The following CLUH variants were observed in gnomAD, a reference collection of about 807,000 sequenced individuals.
The protein encoded by CLUH is CLUH binding protein of NUMT mRNA.
CLUH carries 77 observed loss-of-function variants against 139.3 expected under a neutral mutation model. The ratio of observed to expected loss-of-function variants is 0.55; its 90% CI spans 0.46 to 0.67. The LOEUF is 0.67. Among genes scored for constraint, CLUH ranks in the 30% least tolerant of loss-of-function variants. The probability of loss-of-function intolerance (pLI) is 0.00; values close to 1 mark genes in which losing one functional copy is unlikely to be tolerated. For missense variants in CLUH, 1,876 were observed against 1,875.8 expected, an observed-to-expected ratio of 1.00 and a Z score of 0.00; for synonymous variants, 999 against 801.6, an observed-to-expected ratio of 1.25 and a Z score of -4.16.
chr17:2,695,198 G>C lies in CLUH; in HGVS notation c.2607+20C>G, dbSNP rs749848948. On this transcript the variant is annotated intron_variant, in intron 15 of 25. Transcript: ENST00000651024. ...CCACCCTGGGAGGCCATGGCCAGCCGCAGAGCGGACGGGTGGCACCTGTAA... is the reference window on the plus strand; with the variant it reads ...CCACCCTGGGAGGCCATGGCCAGCCCCAGAGCGGACGGGTGGCACCTGTAA... 1 of 1,613,666 alleles carries C rather than the reference G, an allele frequency of 6.2e-7. No individual in the cohort carries two copies. Among genetic ancestry groups the C allele is most frequent in the Non-Finnish European group, 8.5e-7 (1 of 1,179,844 alleles).
In CLUH at chr17:2,698,180, C is replaced by T. The variant is rs1229218022; in HGVS notation, c.1677G>A (p.Leu559=). 5 of 1,575,058 alleles carry T rather than the reference C, an allele frequency of 3.2e-6. No individual in the cohort carries two copies. Among genetic ancestry groups the T allele is most frequent in the Admixed American group, 3.7e-5 (2 of 53,814 alleles). ...VVSHPRYLEL[L]ERTSRPLKIL... Reference sequence around the variant, plus strand: ...TCTTGAGGGGCCGACTCGTGCGCTCCAGCAGCTCCAGGTACCGCGGGTGTG... The same window carrying T: ...TCTTGAGGGGCCGACTCGTGCGCTCTAGCAGCTCCAGGTACCGCGGGTGTG... Residue 559 remains leucine, a synonymous_variant, in exon 10 of 26, where the codon CTG becomes CTA. Transcript: ENST00000651024.
At position 2,690,473 on chromosome 17, in the gene CLUH, G is replaced by T; in HGVS notation, c.*121C>A. On this transcript the variant is annotated 3_prime_UTR_variant, in exon 26 of 26. Coordinates refer to ENST00000651024, the MANE Select transcript of CLUH (RefSeq NM_001366661.1). ...TCCCAGGAGGACACGGGGGTGGGGT[G>T]GGGTGAGACGTGGAGGAAGAGGGCC... 2.3e-6 allele frequency: 2 copies of T among 866,194 alleles called. No individual in the cohort carries two copies. The highest frequency in any genetic ancestry group is 3.2e-6 in the Non-Finnish European group (2 of 619,036). The allele number at this position is 866,194 out of a possible 1,614,324, so 53.7% of individuals were successfully genotyped here. A position where few individuals can be genotyped will look rare whatever the true frequency, so the allele number is the denominator to read the frequency against.
rs572188920 is a variant in CLUH, at chr17:2,695,283, G to A, written c.2545-3C>T. 6.4e-5 allele frequency: 103 copies of A among 1,613,828 alleles called. 1 individual carries two copies. The East Asian group carries it at 1.9e-3, about 29-fold the overall frequency. On this transcript the variant is annotated splice_polypyrimidine_tract_variant and splice_region_variant and intron_variant, in intron 14 of 25. Coordinates refer to ENST00000651024, the MANE Select transcript of CLUH (RefSeq NM_001366661.1). ...ATGAGTTCTCCAATGCCGATTTTCT[G>A]GAAGGATTCAGAAGGGAGGTCTTGG...
intron 13 of CLUH, chr17:2,695,751 AG>A: frequency 1.6e-6 from 1 of 631,352 alleles, no homozygotes; most frequent in South Asian, 2.0e-5. Flanking sequence ...GGAGAAGCAG[AG>A]GTGCCCGCTT....
In CLUH at chr17:2,698,527, T is replaced by C. The variant is rs757903397; in HGVS notation, c.1330A>G (p.Met444Val). 9 of 1,612,400 alleles carry C rather than the reference T, an allele frequency of 5.6e-6. No individual in the cohort carries two copies. The highest frequency in any genetic ancestry group is 5.0e-5 in the Admixed American group (3 of 59,946). Residue 444 changes from methionine (M) to valine (V), a missense_variant, in exon 10 of 26, where the codon ATG becomes GTG. By Grantham distance (21) the Met-to-Val change is conservative. Around this residue, in one of 3 missense-constraint regions of CLUH, gnomAD observed 1,454 missense variants for 1,384.4 expected, o/e 1.05. Transcript: ENST00000651024. ...GAMAVIDGNV[M>V]AINPSEETKM... Reference sequence around the variant, plus strand: ...GTCTCCTCGCTGGGGTTGATGGCCATCACGTTGCCGTCAATGACGGCCATG... The same window carrying C: ...GTCTCCTCGCTGGGGTTGATGGCCACCACGTTGCCGTCAATGACGGCCATG...
rs554613751 is a variant in CLUH, at chr17:2,698,033, G to T, written c.1824C>A (p.Phe608Leu). 4 of 1,605,618 alleles carry T rather than the reference G, an allele frequency of 2.5e-6. No homozygotes were observed. Among genetic ancestry groups the T allele is most frequent in the East Asian group, 2.2e-5 (1 of 44,802 alleles). The change falls in exon 10 of 26, where the codon TTC (phenylalanine) becomes TTA (leucine). Residue 608 changes from phenylalanine (F) to leucine (L), a missense_variant. Coordinates refer to ENST00000651024, the MANE Select transcript of CLUH (RefSeq NM_001366661.1). ...RHYILDLLRT[F>L]PPDLNFLPVP... ...CGGGCAGGAAGTTGAGGTCCGGGGGGAAGGTGCGCAGCAGGTCGAGGATGT... is the reference window on the plus strand; with the variant it reads ...CGGGCAGGAAGTTGAGGTCCGGGGGTAAGGTGCGCAGCAGGTCGAGGATGT...
intron 12 of CLUH, 59 bp downstream of exon 12, chr17:2,696,374 GC>G: frequency 1.3e-6 from 2 of 1,518,954 alleles, no homozygotes; most frequent in Non-Finnish European, 1.8e-6. Flanking sequence ...AAGGGCCCAG[GC>G]CCCCCAGCGA....
chr17:2,691,981 C>CCCG (rs2069692453), intron 23 of CLUH, 23 bp downstream of exon 23: 1 of 730,442 alleles, frequency 1.4e-6, no homozygotes, highest in Admixed American at 5.9e-5. Context: ...CGCCCCCGCC[C>CCCG]CCGCCACGCC....
intron 3 of CLUH, among the ~76,000 whole-genome samples, 177 bp from the exon 4 acceptor site, chr17:2,702,234 A>C (rs915004863): frequency 1.3e-5 from 2 of 151,120 alleles, no homozygotes; most frequent in East Asian, 3.9e-4. Flanking sequence ...TGACACCACA[A>C]ACACACACAC....
chr17:2,699,615 A>T (rs944753228), intron 9 of CLUH, among the ~76,000 whole-genome samples: 1 of 150,590 alleles, frequency 6.6e-6, no homozygotes, highest in African/African-American at 2.4e-5. Context: ...GGCGTGAGCC[A>T]CTGTGCCTGG....
chr17:2,699,022 G>C (rs1217343882), intron 9 of CLUH, among the ~76,000 whole-genome samples: 9 of 152,098 alleles, frequency 5.9e-5, no homozygotes. Flanking sequence ...ACTCCAGCCT[G>C]GGGGACAGAG....
intron 1 of CLUH, among the ~76,000 whole-genome samples, chr17:2,705,943 G>T (rs1402308844): frequency 1.3e-5 from 2 of 152,138 alleles, no homozygotes; most frequent in African/African-American, 4.8e-5. Flanking sequence ...GCCTGCCTGG[G>T]CACCCATCTA....
chr17:2,709,059 G>A (rs2070436820), intron 1 of CLUH, among the ~76,000 whole-genome samples: 1 of 152,226 alleles, frequency 6.6e-6, no homozygotes, highest in Non-Finnish European at 1.5e-5. Context: ...AGATGCTAGT[G>A]AAGAGACAAA....
chr17:2,691,837 T>A lies in CLUH; in HGVS notation c.3713A>T (p.Gln1238Leu). ...GGTGCGCTGCAGGGCCACGGCCTGC[T>A]GGGTCAGGCACTTGAGGTACTCGGA... is the stretch of plus-strand genomic sequence containing the variant. ...ESSEYLKCLT[Q>L]QAVALQRTMN... Residue 1238 changes from glutamine to leucine, a missense_variant, in exon 24 of 26, where the codon CAG becomes CTG. Physicochemically the swap from Gln to Leu is moderately radical, Grantham distance 113. Around this residue, in one of 3 missense-constraint regions of CLUH, gnomAD observed 1,454 missense variants for 1,384.4 expected, o/e 1.05. Transcript: ENST00000651024. 1 of 1,561,592 alleles carries A rather than the reference T, an allele frequency of 6.4e-7. No homozygotes were observed. The highest frequency in any genetic ancestry group is 1.7e-4 in the Middle Eastern group (1 of 5,982).
Position 2,706,923 on chromosome 17 carries a change from C to A in CLUH, c.101-2359G>T, listed in dbSNP as rs57694483. Among the ~76,000 whole-genome samples the A allele has an allele frequency of 1.3e-5, 2 of 152,000 alleles. No homozygotes were observed. The highest frequency in any genetic ancestry group is 2.9e-5 in the Non-Finnish European group (2 of 67,982). ...GGAATGGGAGGACAGAAAGGAGGGA[C>A]GACAAGGCAAGGTGGCCGCGGCTCC... On this transcript the variant is annotated intron_variant, in intron 1 of 25. Coordinates refer to ENST00000651024, the MANE Select transcript of CLUH (RefSeq NM_001366661.1). The surrounding 1 kb of genome is among the most constrained non-coding windows in gnomAD (Gnocchi z 4.6).
chr17:2,693,751 T>C, intron 19 of CLUH, 149 bp downstream of exon 19: 1 of 1,043,438 alleles, frequency 9.6e-7, no homozygotes, highest in Non-Finnish European at 1.4e-6. Flanking sequence ...GGGACACAGT[T>C]ACAGAGGGGT....
At chr17:2,691,719 CG>C in intron 24 of CLUH, 37 bp from the exon 25 acceptor site, 1 of 1,604,302 alleles carries the variant, frequency 6.2e-7, no homozygotes, top group Non-Finnish European at 8.5e-7. Context: ...GCGGGGCTCC[CG>C]CGCTCGCCGG....
rs2070237728 is a variant in CLUH, at chr17:2,703,038, C to G, written c.475+280G>C. Among the ~76,000 whole-genome samples the G allele has an allele frequency of 6.6e-6, 1 of 152,174 alleles. No individual in the cohort carries two copies. Among genetic ancestry groups the G allele is most frequent in the Non-Finnish European group, 1.5e-5 (1 of 68,032 alleles). On this transcript the variant is annotated intron_variant, in intron 3 of 25. Coordinates refer to ENST00000651024, the MANE Select transcript of CLUH (RefSeq NM_001366661.1). This position sits in a 1 kb window ranked among gnomAD's most constrained non-coding sequence, Gnocchi z 4.2. ...ATGGGGTTTCACCATGTTGGCCAGG[C>G]AAGTCTCCAACTCCTGACCTCAGGT...
rs776173833 is a variant in CLUH at position 2,696,753 on chromosome 17, C to T, written c.2151G>A (p.Glu717=). ...SSASGLAKVK[E]LAETIAADDG... The stretch of plus-strand genomic sequence containing the variant: ...CGTCTGCGGCGATGGTCTCTGCCAG[C>T]TCCTTCACCTTGGCCAGGCCGCTGG... Residue 717 remains glutamate (E), a synonymous_variant, in exon 11 of 26, where the codon GAG becomes GAA. Transcript: ENST00000651024. 4.3e-6 allele frequency: 7 copies of T among 1,612,560 alleles called. No homozygotes were observed. Among genetic ancestry groups the T allele is most frequent in the Middle Eastern group, 1.9e-4 (1 of 5,216 alleles).
Sources: allele counts gnomAD v4.1 joint callset (sites outside exome capture counted in the v4.1 genomes callset), GRCh38; gene constraint gnomAD v4.1.1; regional missense constraint gnomAD v4.1.1; non-coding constraint Gnocchi (gnomAD v3.1); transcripts MANE v1.5; gene names NCBI Gene and HGNC (gene_info 2026-07-23, HGNC 2026-07-21).